SGPL1: variants seen among roughly 807,000 people sequenced by gnomAD.
The protein encoded by SGPL1 is SP-lyase 1.
Under a neutral mutation model 68.9 loss-of-function variants are expected in SGPL1, and 37 were observed. The observed-to-expected ratio is 0.54, with a 90% CI of 0.41 to 0.71. The LOEUF is 0.71. SGPL1 is among the 30% of genes least tolerant of loss of function. SGPL1 has a pLI of 0.00. For missense variants in SGPL1, 551 were observed against 704.6 expected (o/e 0.78, Z 2.47); for synonymous variants, 236 against 248.5 (o/e 0.95, Z 0.47).
In SGPL1 at chr10:70,851,143, G is replaced by T; in HGVS notation, c.194G>T (p.Ser65Ile). 6.2e-7 allele frequency: 1 copy of T among 1,612,630 alleles called. No homozygotes were observed. Among genetic ancestry groups the T allele is most frequent in the Non-Finnish European group, 8.5e-7 (1 of 1,178,706 alleles). Reference sequence around the variant, plus strand: ...TAAGAGAACCATTTGTTTCTTTTAGGTTTATGGTCAAGGTTTAAAAAGAAA... The same window carrying T: ...TAAGAGAACCATTTGTTTCTTTTAGTTTTATGGTCAAGGTTTAAAAAGAAA... ...WGYEFVFQPE[S>I]LWSRFKKKCF... The change falls in exon 4 of 15, where the codon AGT becomes ATT. Residue 65 changes from serine to isoleucine, a missense_variant and splice_region_variant. Ser to Ile is a moderately radical substitution (Grantham distance 142, BLOSUM62 -2). Transcript: ENST00000373202.
At chr10:70,859,140 C>G (rs1022613165) in intron 6 of SGPL1, among the ~76,000 whole-genome samples, 4 of 152,176 alleles carry the variant, frequency 2.6e-5, no homozygotes, top group Non-Finnish European at 2.9e-5. Context: ...GTGTTATAGT[C>G]TGCGCTTTTA....
At chr10:70,829,116 G>A (rs1056148439) in intron 2 of SGPL1, among the ~76,000 whole-genome samples, 1 of 152,104 alleles carries the variant, frequency 6.6e-6, no homozygotes, top group Non-Finnish European at 1.5e-5. Context: ...CAACAATCAC[G>A]ACCACAAGAG....
chr10:70,874,019 C>G (rs185858019), intron 12 of SGPL1, among the ~76,000 whole-genome samples: 25 of 152,272 alleles, frequency 1.6e-4, no homozygotes, highest in Middle Eastern at 3.4e-3. Context: ...CTAAAAATTT[C>G]CATTTCTGGA....
intron 7 of SGPL1, among the ~76,000 whole-genome samples, chr10:70,861,034 CTTTT>C (rs75728471): frequency 2.9e-5 from 4 of 136,756 alleles, no homozygotes; most frequent in Admixed American, 7.3e-5. Flanking sequence ...TCTTTCTTTC[CTTTT>C]TTTTTTTTTT....
chr10:70,874,303 C>T (rs1277719974), intron 12 of SGPL1, among the ~76,000 whole-genome samples: 1 of 152,190 alleles, frequency 6.6e-6, no homozygotes, highest in Non-Finnish European at 1.5e-5. Flanking sequence ...GATCCTTGGC[C>T]AGGCACGGTG....
intron 3 of SGPL1, among the ~76,000 whole-genome samples, chr10:70,849,704 C>A (rs1441015705): frequency 6.6e-6 from 1 of 152,180 alleles, no homozygotes; most frequent in Non-Finnish European, 1.5e-5. Flanking sequence ...AGAGGGAGCT[C>A]CTTCTGGCCA....
chr10:70,841,059 A>C (rs1251061191), intron 2 of SGPL1, among the ~76,000 whole-genome samples: 8 of 152,148 alleles, frequency 5.3e-5, no homozygotes, highest in Non-Finnish European at 8.8e-5. Flanking sequence ...GTTTGACCAC[A>C]ACTTTCACAC....
At chr10:70,872,165 T>C (rs1360387469) in intron 11 of SGPL1, among the ~76,000 whole-genome samples, 179 bp downstream of exon 11, 1 of 152,188 alleles carries the variant, frequency 6.6e-6, no homozygotes, top group Non-Finnish European at 1.5e-5. Context: ...GGTATAGTGG[T>C]AGAGGTGACA....
intron 2 of SGPL1, among the ~76,000 whole-genome samples, chr10:70,836,128 C>G (rs1228044008): frequency 6.6e-6 from 1 of 152,192 alleles, no homozygotes; most frequent in East Asian, 1.9e-4. Flanking sequence ...TGTGGCAGTT[C>G]AGAAATTATT....
intron 5 of SGPL1, 176 bp from the exon 6 acceptor site, chr10:70,857,438 T>C (rs1000073729): frequency 2.6e-5 from 14 of 542,250 alleles, no homozygotes; most frequent in Non-Finnish European, 4.3e-5. Context: ...ATCTTTATTT[T>C]ATTGTGCTAA....
intron 2 of SGPL1, among the ~76,000 whole-genome samples, chr10:70,835,291 T>C (rs1190042759): frequency 6.6e-6 from 1 of 152,182 alleles, no homozygotes; most frequent in Non-Finnish European, 1.5e-5. Flanking sequence ...GTTCATATAT[T>C]AAAATTATTT....
rs1270821251 is a variant in SGPL1, at chr10:70,836,800, C to T, written c.28-7673C>T. Among the ~76,000 whole-genome samples, 4 of 151,934 alleles carry T rather than the reference C, an allele frequency of 2.6e-5. 1 individual carries two copies. In the East Asian group the frequency reaches 7.8e-4, roughly 29 times the overall value. On this transcript the variant is annotated intron_variant, in intron 2 of 14. Transcript: ENST00000373202. ...AGGGATGGGAACTTGTTATGTTGCT[C>T]AGGCTGGTCTTGAACTCCTGGCCTC...
At chr10:70,850,308 C>T (rs968372812) in intron 3 of SGPL1, among the ~76,000 whole-genome samples, 1 of 152,188 alleles carries the variant, frequency 6.6e-6, no homozygotes, top group Non-Finnish European at 1.5e-5. Context: ...AGCCACTGTG[C>T]CTGGCCAGCA....
intron 2 of SGPL1, among the ~76,000 whole-genome samples, chr10:70,841,095 AT>A (rs1845705565): frequency 6.6e-6 from 1 of 152,184 alleles, no homozygotes; most frequent in Non-Finnish European, 1.5e-5. Flanking sequence ...AATGATAGAA[AT>A]CATGACATAC....
In SGPL1 at chr10:70,873,533, C is replaced by T. The variant is rs374154203; in HGVS notation, c.1242C>T (p.Asn414=). The T allele has an allele frequency of 9.3e-6, 15 of 1,614,102 alleles. No homozygotes were observed. The highest frequency in any genetic ancestry group is 8.9e-5 in the East Asian group (4 of 44,898). Residue 414 remains asparagine, a synonymous_variant, in exon 12 of 15, where the codon AAC becomes AAT. Coordinates refer to ENST00000373202, the MANE Select transcript of SGPL1 (RefSeq NM_003901.4). Reference sequence around the variant, plus strand: ...CTGCCTTGATGCACTTCGGTGAGAACGGCTATGTTGAAGCTACCAAACAGA... The same window carrying T: ...CTGCCTTGATGCACTTCGGTGAGAATGGCTATGTTGAAGCTACCAAACAGA... ...CWAALMHFGE[N]GYVEATKQII... is the part of the protein sequence containing the mutation.
rs115181749 is a variant in SGPL1 at position 70,879,422 on chromosome 10, C to T, written c.*2087C>T. The T allele has an allele frequency of 8.3e-3, 1,276 of 152,926 alleles. 27 individuals carry two copies. Among genetic ancestry groups the T allele is most frequent in the African/African-American group, 0.029 (1,217 of 41,476 alleles). The allele number at this position is 152,926 out of a possible 1,614,324, so 9.5% of individuals were successfully genotyped here. ...GTGTGTGTTTTTCCTGTTTGCCCAG[C>T]AGTGCATTGTGGGTTCCAAGAGTGG... On this transcript the variant is annotated 3_prime_UTR_variant, in exon 15 of 15. Coordinates refer to ENST00000373202, the MANE Select transcript of SGPL1 (RefSeq NM_003901.4).
rs897538693 is a variant in SGPL1, at chr10:70,878,734, A to C, written c.*1399A>C. 1 of 152,206 alleles carries C rather than the reference A, an allele frequency of 6.6e-6. No individual in the cohort carries two copies. Among genetic ancestry groups the C allele is most frequent in the South Asian group, 2.1e-4 (1 of 4,830 alleles). The allele number at this position is 152,206 out of a possible 1,614,324, so 9.4% of individuals were successfully genotyped here. A position where few individuals can be genotyped will look rare whatever the true frequency, so the allele number is the denominator to read the frequency against. ...ACCCGTAGCAAGGAAAATTTTCTCT[A>C]TTAGTGTGTTCTTCTGCCTCTTCCC... On this transcript the variant is annotated 3_prime_UTR_variant, in exon 15 of 15. Transcript: ENST00000373202.
chr10:70,845,078 G>A (rs540224378), intron 3 of SGPL1, among the ~76,000 whole-genome samples: 1 of 152,052 alleles, frequency 6.6e-6, no homozygotes, highest in Non-Finnish European at 1.5e-5. Context: ...TAAATGTAAA[G>A]CAGTACTTTG....
At chr10:70,873,301 G>T (rs1204527614) in intron 11 of SGPL1, 50 bp from the exon 12 acceptor site, 1 of 1,348,584 alleles carries the variant, frequency 7.4e-7, no homozygotes, top group African/African-American at 1.4e-5. Context: ...GACAAGGTCT[G>T]CCAGACAGAA....
Sources: allele counts gnomAD v4.1 joint callset (sites outside exome capture counted in the v4.1 genomes callset), GRCh38; gene constraint gnomAD v4.1.1; transcripts MANE v1.5; gene names NCBI Gene and HGNC (gene_info 2026-07-23, HGNC 2026-07-21).